The following DRC11 variants were observed in gnomAD, a reference collection of about 807,000 sequenced individuals.
DRC11 encodes IQ and AAA domain-containing protein 1.
the DRC11 span, chr2:236,338,389 G>GA: frequency 1.9e-6 from 3 of 1,559,328 alleles, no homozygotes; most frequent in Admixed American, 5.9e-5. Flanking sequence ...CATTCTGGGA[G>GA]AGAGAAAAAA....
At chr2:236,357,308 GATC>G in the DRC11 span, among the ~76,000 whole-genome samples, 1 of 113,064 alleles carries the variant, frequency 8.8e-6, no homozygotes, top group African/African-American at 3.9e-5. Context: ...TATTCATATA[GATC>G]TATATATTAT....
At chr2:236,368,393 C>A in the DRC11 span, 1 of 667,656 alleles carries the variant, frequency 1.5e-6, no homozygotes, top group Non-Finnish European at 2.7e-6. Flanking sequence ...TCGGAGAATA[C>A]AAATTGAACA....
the DRC11 span, among the ~76,000 whole-genome samples, chr2:236,360,201 C>T: frequency 7.9e-5 from 12 of 152,034 alleles, no homozygotes; most frequent in Non-Finnish European, 1.5e-4. The surrounding 1 kb of genome is among the most constrained non-coding windows in gnomAD (Gnocchi z 5.8). Flanking sequence ...AGTGAGCGGC[C>T]GTATAATGCA....
the DRC11 span, among the ~76,000 whole-genome samples, chr2:236,358,890 C>A: frequency 1.3e-5 from 2 of 150,226 alleles, no homozygotes; most frequent in East Asian, 3.9e-4. Context: ...GCATGCCCCA[C>A]CCTGTGGGAG....
the DRC11 span, among the ~76,000 whole-genome samples, chr2:236,341,743 G>C: frequency 6.6e-6 from 1 of 152,226 alleles, no homozygotes; most frequent in Non-Finnish European, 1.5e-5. Context: ...CTTCCAGCCT[G>C]TGCTGTGTGT....
At chr2:236,364,085 G>C in the DRC11 span, 1 of 934,456 alleles carries the variant, frequency 1.1e-6, no homozygotes, top group Non-Finnish European at 1.6e-6. Flanking sequence ...TCCACTTTCT[G>C]CAACAGTGAT....
the DRC11 span, among the ~76,000 whole-genome samples, chr2:236,452,417 C>T: frequency 3.9e-5 from 6 of 152,228 alleles, no homozygotes; most frequent in South Asian, 2.1e-4. This position sits in a 1 kb window ranked among gnomAD's most constrained non-coding sequence, Gnocchi z 4.7. Context: ...GGTTTCCAGC[C>T]GGTCCCCCCC....
chr2:236,322,377 G>C, the DRC11 span, among the ~76,000 whole-genome samples: 4 of 151,752 alleles, frequency 2.6e-5, no homozygotes, highest in Middle Eastern at 6.8e-3. Flanking sequence ...TGGGACTACA[G>C]GTGCCCGCCA....
chr2:236,465,368 C>T, the DRC11 span: 6 of 709,804 alleles, frequency 8.5e-6, no homozygotes, highest in South Asian at 5.7e-5. This position sits in a 1 kb window ranked among gnomAD's most constrained non-coding sequence, Gnocchi z 6.2. Flanking sequence ...AATTCTTAGC[C>T]TTGGCATTTC....
the DRC11 span, among the ~76,000 whole-genome samples, chr2:236,357,328 T>A: frequency 1.1e-5 from 1 of 92,000 alleles, no homozygotes; most frequent in Non-Finnish European, 1.8e-5. Flanking sequence ...TTATATATAT[T>A]CATATATGAA....
At chr2:236,503,072 CTT>C in the DRC11 span, among the ~76,000 whole-genome samples, 125 of 152,280 alleles carry the variant, frequency 8.2e-4, no homozygotes, top group Non-Finnish European at 1.4e-3. The surrounding 1 kb of genome is among the most constrained non-coding windows in gnomAD (Gnocchi z 4.9). Context: ...CTAGTAATAA[CTT>C]TTAAATATGG....
chr2:236,384,485 G>A, the DRC11 span, among the ~76,000 whole-genome samples: 1 of 152,172 alleles, frequency 6.6e-6, no homozygotes, highest in Non-Finnish European at 1.5e-5. Flanking sequence ...GTCTGTTCAT[G>A]TCCTTCACCC....
the DRC11 span, among the ~76,000 whole-genome samples, chr2:236,467,739 C>T: frequency 3.9e-5 from 6 of 152,268 alleles, no homozygotes; most frequent in Middle Eastern, 3.4e-3. Context: ...TGGCAACATT[C>T]AAGACCCTGT....
the DRC11 span, among the ~76,000 whole-genome samples, chr2:236,373,980 C>T: frequency 4.6e-5 from 7 of 152,262 alleles, no homozygotes; most frequent in South Asian, 1.5e-3. Context: ...GGTCACCGCC[C>T]CAGCTCCTTC....
the DRC11 span, among the ~76,000 whole-genome samples, chr2:236,319,573 A>G: frequency 6.6e-6 from 1 of 152,106 alleles, no homozygotes; most frequent in Non-Finnish European, 1.5e-5. This position sits in a 1 kb window ranked among gnomAD's most constrained non-coding sequence, Gnocchi z 6.7. Flanking sequence ...TGACAACAAA[A>G]CCAGTATGCA....
chr2:236,315,113 A>G, the DRC11 span, among the ~76,000 whole-genome samples: 38 of 152,250 alleles, frequency 2.5e-4, no homozygotes, highest in African/African-American at 9.2e-4. This position sits in a 1 kb window ranked among gnomAD's most constrained non-coding sequence, Gnocchi z 5.1. Context: ...ATCAGAATAG[A>G]GGATTTGTAA....
the DRC11 span, among the ~76,000 whole-genome samples, chr2:236,470,294 G>A: frequency 6.6e-6 from 1 of 152,286 alleles, no homozygotes; most frequent in South Asian, 2.1e-4. This position sits in a 1 kb window ranked among gnomAD's most constrained non-coding sequence, Gnocchi z 5.1. Flanking sequence ...CTGTCTTGCC[G>A]GAGTGTGCTC....
At chr2:236,438,445 T>C in the DRC11 span, among the ~76,000 whole-genome samples, 1 of 149,946 alleles carries the variant, frequency 6.7e-6, no homozygotes, top group South Asian at 2.1e-4. Flanking sequence ...TGGTTCCATA[T>C]GAACTTTAAA....
chr2:236,424,258 G>T, the DRC11 span, among the ~76,000 whole-genome samples: 5 of 152,206 alleles, frequency 3.3e-5, no homozygotes, highest in East Asian at 7.7e-4. Context: ...ATAATTATGA[G>T]CAGCTGAAAA....
Sources: allele counts gnomAD v4.1 joint callset (sites outside exome capture counted in the v4.1 genomes callset), GRCh38; gene constraint gnomAD v4.1.1; non-coding constraint Gnocchi (gnomAD v3.1); transcripts MANE v1.5; gene names NCBI Gene and HGNC (gene_info 2026-07-23, HGNC 2026-07-21).